Variants in SLC35F4 observed in about 807,000 individuals in gnomAD.
SLC35F4 encodes the protein chromosome 14 open reading frame 36.
SLC35F4 carries 24 observed loss-of-function variants against 44.2 expected under a neutral mutation model. The observed-to-expected ratio is 0.54, with a 90% confidence interval of 0.39 to 0.76. The LOEUF is 0.76. Among genes scored for constraint, SLC35F4 ranks in the 30% least tolerant of loss-of-function variants. SLC35F4 has a pLI of 0.00. For missense variants in SLC35F4, 562 were observed against 586.1 expected (o/e 0.96, Z 0.42); for synonymous variants, 238 against 223.6 (o/e 1.06, Z -0.57).
rs1032131663 is a variant in SLC35F4 at position 57,912,532 on chromosome 14, T to A, written n.282+69381A>T. Among the ~76,000 whole-genome samples the A allele has an allele frequency of 2.0e-5, 3 of 152,190 alleles. No homozygotes were observed. In the East Asian group the frequency reaches 5.8e-4, roughly 29 times the overall value. On this transcript the variant is annotated intron_variant and non_coding_transcript_variant, in intron 1 of 1. Transcript: ENST00000556568. ...TGAGATTTTGCCTTTGACCCATGTG[T>A]CATTTAGAAGTATGATGTTTAACCT...
intron 1 of SLC35F4, among the ~76,000 whole-genome samples, chr14:57,766,305 G>T (rs1053984768): frequency 3.9e-5 from 6 of 152,152 alleles, no homozygotes; most frequent in Non-Finnish European, 5.9e-5. Flanking sequence ...TCCTTCTCAT[G>T]GTCCTGAAAC....
At chr14:57,945,670 T>C (rs953093643) in intron 1 of SLC35F4, among the ~76,000 whole-genome samples, 5 of 152,152 alleles carry the variant, frequency 3.3e-5, no homozygotes, top group Admixed American at 6.5e-5. Flanking sequence ...ATGGTAGTTC[T>C]ACTTTTAGTT....
chr14:57,936,272 T>C (rs1010439001), intron 1 of SLC35F4, among the ~76,000 whole-genome samples: 2 of 152,220 alleles, frequency 1.3e-5, no homozygotes, highest in Non-Finnish European at 2.9e-5. Context: ...ATGGCTGTTA[T>C]AGCTATACAA....
chr14:57,869,320 T>A (rs1037677864), upstream of SLC35F4, among the ~76,000 whole-genome samples: 1 of 152,110 alleles, frequency 6.6e-6, no homozygotes, highest in African/African-American at 2.4e-5. Flanking sequence ...CTAAATATGA[T>A]CACTGGGTAT....
chr14:57,820,700 T>A (rs1392680345), intron 1 of SLC35F4, among the ~76,000 whole-genome samples: 1 of 152,222 alleles, frequency 6.6e-6, no homozygotes, highest in Non-Finnish European at 1.5e-5. Context: ...AGATAAAACT[T>A]CTCAAGGTTT....
Position 57,706,157 on chromosome 14 carries a change from G to A in SLC35F4, c.104-112033C>T, listed in dbSNP as rs190368214. Among the ~76,000 whole-genome samples, 128 of 152,250 alleles carry A rather than the reference G, an allele frequency of 8.4e-4. 1 individual carries two copies. Among genetic ancestry groups the A allele is most frequent in the African/African-American group, 2.7e-3 (111 of 41,556 alleles). ...AATCAACTGTGAACTGTGAATGATC[G>A]GTTACTAGTAATAACTATGCCTGCA... On this transcript the variant is annotated intron_variant, in intron 1 of 7. Coordinates refer to ENST00000556826, the MANE Select transcript of SLC35F4 (RefSeq NM_001306087.2).
intron 1 of SLC35F4, among the ~76,000 whole-genome samples, chr14:57,960,146 T>C (rs576824915): frequency 6.2e-4 from 95 of 152,330 alleles, no homozygotes; most frequent in African/African-American, 1.7e-3. Context: ...AAGGGTTATG[T>C]GTGAGCCACT....
At chr14:57,803,014 C>G (rs890117364) in intron 1 of SLC35F4, among the ~76,000 whole-genome samples, 7 of 143,268 alleles carry the variant, frequency 4.9e-5, no homozygotes, top group African/African-American at 1.9e-4. Flanking sequence ...AAAGAAATTG[C>G]AGGCCAATAT....
chr14:57,745,827 A>G (rs1360937858), intron 1 of SLC35F4, among the ~76,000 whole-genome samples: 2 of 152,216 alleles, frequency 1.3e-5, no homozygotes, highest in African/African-American at 2.4e-5. Flanking sequence ...AAGACTTGGA[A>G]CCAACCCAAA....
At chr14:57,786,668 C>A (rs1014110572) in intron 1 of SLC35F4, among the ~76,000 whole-genome samples, 1 of 152,240 alleles carries the variant, frequency 6.6e-6, no homozygotes, top group South Asian at 2.1e-4. Context: ...AGAGAGACAA[C>A]GATCACTGCA....
chr14:57,710,521 T>C (rs1320698527), intron 1 of SLC35F4, among the ~76,000 whole-genome samples: 1 of 151,948 alleles, frequency 6.6e-6, no homozygotes, highest in Non-Finnish European at 1.5e-5. Flanking sequence ...GAATTGTAGA[T>C]CCACTGACAA....
At chr14:57,965,909 A>G (rs1344007907) in intron 1 of SLC35F4, among the ~76,000 whole-genome samples, 1 of 152,162 alleles carries the variant, frequency 6.6e-6, no homozygotes, top group Non-Finnish European at 1.5e-5. Flanking sequence ...TTCCCTCTTC[A>G]TGGTATCTTT....
At chr14:57,636,826 G>T (rs2073035409) in intron 1 of SLC35F4, among the ~76,000 whole-genome samples, 1 of 151,962 alleles carries the variant, frequency 6.6e-6, no homozygotes. Flanking sequence ...GCAAAATCTG[G>T]CAACCCTATA....
chr14:57,629,994 T>C, intron 1 of SLC35F4: 1 of 529,406 alleles, frequency 1.9e-6, no homozygotes, highest in Non-Finnish European at 3.8e-6. Flanking sequence ...GTGAACTTGG[T>C]CATTATGGTC....
At chr14:57,704,692 T>C (rs141669243) in intron 1 of SLC35F4, among the ~76,000 whole-genome samples, 13 of 152,092 alleles carry the variant, frequency 8.5e-5, no homozygotes, top group African/African-American at 3.1e-4. Flanking sequence ...AGCTAAGATA[T>C]ACTCTCCCTA....
chr14:57,620,393 C>A (rs2072113062), intron 1 of SLC35F4, among the ~76,000 whole-genome samples: 1 of 152,160 alleles, frequency 6.6e-6, no homozygotes, highest in Non-Finnish European at 1.5e-5. Context: ...ATTCAATATT[C>A]TTAAAGAGAA....
chr14:57,942,634 C>T (rs1045981507), intron 1 of SLC35F4, among the ~76,000 whole-genome samples: 2 of 152,078 alleles, frequency 1.3e-5, no homozygotes, highest in Non-Finnish European at 2.9e-5. Flanking sequence ...ACAACTGTTG[C>T]CCAAAGCCCA....
intron 1 of SLC35F4, among the ~76,000 whole-genome samples, chr14:57,904,482 G>A (rs1255714557): frequency 6.6e-6 from 1 of 152,200 alleles, no homozygotes; most frequent in African/African-American, 2.4e-5. Flanking sequence ...ATGCAAGACA[G>A]TGAATGAGCA....
intron 6 of SLC35F4, among the ~76,000 whole-genome samples, chr14:57,566,814 A>G (rs2068231215): frequency 6.6e-6 from 1 of 152,250 alleles, no homozygotes; most frequent in South Asian, 2.1e-4. Flanking sequence ...ACAAATACAA[A>G]GAGGTAAAAT....
Sources: gnomAD v4.1 joint callset for allele counts (sites outside exome capture counted in the v4.1 genomes callset) on GRCh38, gnomAD v4.1.1 for gene constraint, MANE v1.5 for transcripts, NCBI Gene and HGNC (gene_info 2026-07-23, HGNC 2026-07-21) for gene names.